Variants in NCOR2 observed in about 807,000 individuals in gnomAD.
The protein encoded by NCOR2 is nuclear receptor corepressor 2, also known as CTG repeat protein 26.
A neutral mutation model predicts 262.9 loss-of-function variants in NCOR2; 81 were observed. The observed-to-expected ratio is 0.31, with a 90% CI of 0.26 to 0.37. The LOEUF is 0.37. NCOR2 is among the 10% of genes least tolerant of loss of function. NCOR2 has a pLI of 1.00. For missense variants in NCOR2, 3,385 were observed against 3,621.4 expected, an observed-to-expected ratio of 0.93 and a Z score of 1.68; for synonymous variants, 1,659 against 1,559.3, an observed-to-expected ratio of 1.06 and a Z score of -1.51.
Position 124,422,099 on chromosome 12 carries a change from C to T in NCOR2, c.1383+402G>A, listed in dbSNP as rs147943189. Among the ~76,000 whole-genome samples, 185 of 152,348 alleles carry T rather than the reference C, an allele frequency of 1.2e-3. 1 individual carries two copies. The highest frequency in any genetic ancestry group is 4.0e-3 in the African/African-American group (168 of 41,580). On this transcript the variant is annotated intron_variant, in intron 12 of 46. Coordinates refer to ENST00000405201, the Ensembl canonical transcript of NCOR2. ...CTTTGAGGCACGCCACTCCTGCCTA[C>T]GAAAACTTCACTGGGATGCCAGGCA...
At chr12:124,380,634 A>G (rs1438980211) in intron 17 of NCOR2, among the ~76,000 whole-genome samples, 1 of 152,128 alleles carries the variant, frequency 6.6e-6, no homozygotes, top group African/African-American at 2.4e-5. Context: ...TTTGGCAGAC[A>G]GAGGCTCAGG....
At chr12:124,464,015 C>A (rs2046310752) in intron 5 of NCOR2, among the ~76,000 whole-genome samples, 1 of 152,218 alleles carries the variant, frequency 6.6e-6, no homozygotes, top group African/African-American at 2.4e-5. Context: ...GGAATAAAAT[C>A]CCTGCCCTTA....
At chr12:124,337,290 C>T (rs1265625969) in intron 37 of NCOR2, 110 bp from the exon 40 acceptor site, 1 of 1,271,648 alleles carries the variant, frequency 7.9e-7, no homozygotes, top group African/African-American at 1.5e-5. Context: ...CTGCTGCTCC[C>T]AGAGTGAAAC....
chr12:124,351,229 T>G (rs953255370), intron 27 of NCOR2, among the ~76,000 whole-genome samples: 1 of 152,230 alleles, frequency 6.6e-6, no homozygotes, highest in African/African-American at 2.4e-5. Context: ...CTGGGGTTTC[T>G]GCTCCTGTGC....
At chr12:124,561,233 C>T (rs1307256618) in intron 1 of NCOR2, among the ~76,000 whole-genome samples, 1 of 152,168 alleles carries the variant, frequency 6.6e-6, no homozygotes, top group African/African-American at 2.4e-5. Flanking sequence ...TGTGGGAAGA[C>T]GGCTCCGTAT....
intron 17 of NCOR2, among the ~76,000 whole-genome samples, chr12:124,385,532 G>A (rs1045693360): frequency 3.9e-5 from 6 of 152,154 alleles, no homozygotes; most frequent in African/African-American, 1.2e-4. Flanking sequence ...GGCCCGGCCC[G>A]TCTCCAAGGC....
chr12:124,416,574 G>A lies in NCOR2; in HGVS notation c.1482+3383C>T, dbSNP rs1318120389. 5.0e-5 allele frequency among the ~76,000 whole-genome samples: 7 copies of A among 139,270 alleles called. No individual in the cohort carries two copies. The South Asian group carries it at 1.7e-3, about 34-fold the overall frequency. The allele number at this position is 139,270 out of a possible 152,430, so 91.4% of individuals were successfully genotyped here. ...GAGACCCGCGGCACAGATAGACCCC[G>A]CGGCACAGGGAGTCCCCGCGGCACA... On this transcript the variant is annotated intron_variant, in intron 13 of 46. Transcript: ENST00000405201.
In NCOR2 at chr12:124,457,710, C is replaced by T. The variant is rs1335371896; in HGVS notation, c.706-548G>A. Reference sequence around the variant, plus strand: ...CTGCCCCGGGGCCTCCCCGCCTCCTCCCCACTCACAACTGGGGACTTATTA... The same window carrying T: ...CTGCCCCGGGGCCTCCCCGCCTCCTTCCCACTCACAACTGGGGACTTATTA... On this transcript the variant is annotated intron_variant, in intron 5 of 46. Coordinates refer to ENST00000405201, the Ensembl canonical transcript of NCOR2. The surrounding 1 kb of genome is among the most constrained non-coding windows in gnomAD (Gnocchi z 4.0). 6.6e-6 allele frequency among the ~76,000 whole-genome samples: 1 copy of T among 152,220 alleles called. No individual in the cohort carries two copies. Among genetic ancestry groups the T allele is most frequent in the Non-Finnish European group, 1.5e-5 (1 of 68,042 alleles).
rs1555297214 is a variant in NCOR2 at position 124,325,388 on chromosome 12, C to CCCCCA, written c.*13_*14insTGGGG. On this transcript the variant is annotated 3_prime_UTR_variant, in exon 47 of 47. Coordinates refer to ENST00000405201, the Ensembl canonical transcript of NCOR2. ...TGGGACCTGACACCGCCCCCCCCCC[C>CCCCCA]GCCCTGTTCTGAGTCACTCGCTGTC... The CCCCCA allele has an allele frequency of 2.9e-6, 2 of 693,208 alleles. 1 individual carries two copies. Among genetic ancestry groups the CCCCCA allele is most frequent in the Non-Finnish European group, 4.0e-6 (2 of 499,814 alleles). 42.9% of individuals were successfully genotyped at this position (693,208 alleles called of 1,614,324 possible).
upstream of NCOR2, among the ~76,000 whole-genome samples, chr12:124,537,424 C>G (rs994157053): frequency 8.5e-5 from 13 of 152,224 alleles, no homozygotes; most frequent in Non-Finnish European, 1.5e-4. Context: ...CACAAGGGAG[C>G]AGCTGTGTGC....
intron 14 of NCOR2, among the ~76,000 whole-genome samples, chr12:124,401,396 T>A (rs1182029891): frequency 1.3e-5 from 2 of 152,236 alleles, no homozygotes; most frequent in Non-Finnish European, 2.9e-5. Flanking sequence ...GACCATTTTA[T>A]GCACCAAATA....
At chr12:124,437,131 T>A (rs188644821) in intron 8 of NCOR2, among the ~76,000 whole-genome samples, 1,673 of 151,878 alleles carry the variant, frequency 0.011, 13 homozygotes, top group East Asian at 0.042. Flanking sequence ...AAATGAAATG[T>A]AATGAAATGA....
At chr12:124,385,687 A>G in intron 17 of NCOR2, 58 bp downstream of exon 19, 4 of 1,596,074 alleles carry the variant, frequency 2.5e-6, no homozygotes, top group Non-Finnish European at 3.4e-6. Context: ...CTCCTGAGGC[A>G]GTCTGGGCTC....
At chr12:124,525,692 C>A (rs1319067692) in intron 1 of NCOR2, among the ~76,000 whole-genome samples, 4 of 152,198 alleles carry the variant, frequency 2.6e-5, no homozygotes, top group Non-Finnish European at 5.9e-5. Context: ...AGGCTGGCTG[C>A]GGCAGTGATC....
rs369198329 is a variant in NCOR2 at position 124,362,701 on chromosome 12, T to C, written c.2929-404A>G. On this transcript the variant is annotated intron_variant, in intron 21 of 46. Coordinates refer to ENST00000405201, the Ensembl canonical transcript of NCOR2. Reference sequence around the variant, plus strand: ...CCTCCCAGAACCTGGCCCAGCTGCCTGGTGATGGACAGGGGGAGCCCACCT... The same window carrying C: ...CCTCCCAGAACCTGGCCCAGCTGCCCGGTGATGGACAGGGGGAGCCCACCT... 1.0e-2 allele frequency among the ~76,000 whole-genome samples: 1,445 copies of C among 144,668 alleles called. 67 individuals are homozygous for C. The highest frequency in any genetic ancestry group is 0.035 in the African/African-American group (1,288 of 36,718). 94.9% of individuals were successfully genotyped at this position (144,668 alleles called of 152,430 possible).
In NCOR2 at chr12:124,385,835, G is replaced by A; in HGVS notation, c.1929C>T (p.Ser643=). 4 of 1,613,952 alleles carry A rather than the reference G, an allele frequency of 2.5e-6. No homozygotes were observed. The South Asian group carries it at 3.3e-5, about 13-fold the overall frequency. ...AGTTCTTACACTGCGACACAGTCTT[G>A]GAGCCCACCATCCGGGCGATGGCCG... Residue 643 remains serine, a synonymous_variant, in exon 17 of 47, where the codon TCC becomes TCT. Coordinates refer to ENST00000405201, the Ensembl canonical transcript of NCOR2.
At chr12:124,416,286 C>T (rs1390522692) in intron 13 of NCOR2, among the ~76,000 whole-genome samples, 1 of 152,220 alleles carries the variant, frequency 6.6e-6, no homozygotes, top group East Asian at 1.9e-4. Flanking sequence ...GTCACATAAT[C>T]TCCCTTTCTT....
intron 2 of NCOR2, among the ~76,000 whole-genome samples, chr12:124,484,891 A>C (rs886671981): frequency 5.9e-5 from 9 of 152,240 alleles, no homozygotes; most frequent in Admixed American, 6.5e-5. Flanking sequence ...GTAGGTGTTC[A>C]ATCAGTGCCT....
intron 6 of NCOR2, among the ~76,000 whole-genome samples, chr12:124,452,723 C>T (rs1383916536): frequency 1.3e-5 from 2 of 152,192 alleles, no homozygotes; most frequent in African/African-American, 4.8e-5. Context: ...CTCCCGGGGG[C>T]AGCAAGAGCC....
Sources: gnomAD v4.1 joint callset for allele counts (sites outside exome capture counted in the v4.1 genomes callset) on GRCh38, gnomAD v4.1.1 for gene constraint, Gnocchi (gnomAD v3.1) non-coding constraint, MANE v1.5 for transcripts, NCBI Gene and HGNC (gene_info 2026-07-23, HGNC 2026-07-21) for gene names.